ZFPM2: variants seen among roughly 807,000 people sequenced by gnomAD.
The protein encoded by ZFPM2 is zinc finger protein, FOG family member 2.
A neutral mutation model predicts 98.6 loss-of-function variants in ZFPM2; 20 were observed. The observed-to-expected ratio is 0.20, with a 90% CI of 0.14 to 0.29. ZFPM2 has a LOEUF of 0.29. Among genes scored for constraint, ZFPM2 ranks in the 10% least tolerant of loss-of-function variants. The pLI is 1.00. For missense variants in ZFPM2, 1,310 were observed against 1,388.6 expected (o/e 0.94, Z 0.90); for synonymous variants, 518 against 502.7 (o/e 1.03, Z -0.41).
In ZFPM2 at chr8:105,679,818, G is replaced by T. The variant is rs575534989; in HGVS notation, c.532+45461G>T. ...TCTTAAAAAAAAAAAAAAAAAGAAAGCAATATGTATAAAAACATTTTGTAA... is the reference window on the plus strand; with the variant it reads ...TCTTAAAAAAAAAAAAAAAAAGAAATCAATATGTATAAAAACATTTTGTAA... On this transcript the variant is annotated intron_variant, in intron 5 of 7. Transcript: ENST00000407775. Among the ~76,000 whole-genome samples, 5 of 148,534 alleles carry T rather than the reference G, an allele frequency of 3.4e-5. No individual in the cohort carries two copies. The South Asian group carries it at 6.4e-4, about 19-fold the overall frequency.
intron 5 of ZFPM2, among the ~76,000 whole-genome samples, chr8:105,704,267 T>C (rs1280268209): frequency 6.6e-6 from 1 of 152,202 alleles, no homozygotes; most frequent in Non-Finnish European, 1.5e-5. Flanking sequence ...TTTACATATA[T>C]TGGACTACTT....
At chr8:105,710,528 A>C (rs1407429756) in intron 5 of ZFPM2, among the ~76,000 whole-genome samples, 1 of 152,198 alleles carries the variant, frequency 6.6e-6, no homozygotes, top group Non-Finnish European at 1.5e-5. Context: ...CCTATAGTCT[A>C]TCTTCAAATT....
At chr8:105,462,882 C>T (rs746707645) in intron 3 of ZFPM2, among the ~76,000 whole-genome samples, 3 of 151,978 alleles carry the variant, frequency 2.0e-5, no homozygotes, top group African/African-American at 2.4e-5. Flanking sequence ...TTCGATTCAA[C>T]GTCCTTGATG....
At chr8:105,449,931 G>A (rs1214421768) in intron 3 of ZFPM2, among the ~76,000 whole-genome samples, 1 of 151,922 alleles carries the variant, frequency 6.6e-6, no homozygotes, top group Middle Eastern at 3.2e-3. Flanking sequence ...AGTTGCAGTG[G>A]GTTAATTTGG....
chr8:105,495,767 C>T (rs1278963168), intron 3 of ZFPM2, among the ~76,000 whole-genome samples: 1 of 152,134 alleles, frequency 6.6e-6, no homozygotes, highest in African/African-American at 2.4e-5. Flanking sequence ...GTTTGCCATG[C>T]TTGGAGTTTT....
intron 3 of ZFPM2, among the ~76,000 whole-genome samples, chr8:105,542,554 A>C (rs1044757778): frequency 1.3e-5 from 2 of 152,130 alleles, no homozygotes; most frequent in African/African-American, 4.8e-5. Context: ...TGAGTTCCCT[A>C]TCCACAACCA....
At chr8:105,741,461 T>C (rs2131033834) in intron 5 of ZFPM2, among the ~76,000 whole-genome samples, 1 of 152,104 alleles carries the variant, frequency 6.6e-6, no homozygotes, top group East Asian at 1.9e-4. Context: ...GATGACCCAG[T>C]TGAGGCTGAA....
intron 4 of ZFPM2, among the ~76,000 whole-genome samples, chr8:105,562,747 T>C (rs1361760359): frequency 2.6e-5 from 4 of 152,114 alleles, no homozygotes; most frequent in African/African-American, 7.3e-5. Context: ...ATGATTACAC[T>C]GTGTCTGCCT....
At chr8:105,370,516 C>T (rs932476823) in intron 1 of ZFPM2, among the ~76,000 whole-genome samples, 8 of 152,158 alleles carry the variant, frequency 5.3e-5, no homozygotes, top group Admixed American at 3.9e-4. Flanking sequence ...TCCTATGGGG[C>T]AGATGCCCCA....
At chr8:105,571,760 C>A (rs1479281808) in intron 4 of ZFPM2, among the ~76,000 whole-genome samples, 1 of 152,126 alleles carries the variant, frequency 6.6e-6, no homozygotes, top group African/African-American at 2.4e-5. Context: ...TCAGTTTGGT[C>A]TTAAAAATCA....
intron 3 of ZFPM2, among the ~76,000 whole-genome samples, chr8:105,471,942 G>T (rs562390515): frequency 6.6e-6 from 1 of 152,154 alleles, no homozygotes; most frequent in Non-Finnish European, 1.5e-5. Flanking sequence ...TATTACCCAA[G>T]ACCCCAATTT....
chr8:105,727,335 C>T (rs1008183492), intron 5 of ZFPM2, among the ~76,000 whole-genome samples: 10 of 150,914 alleles, frequency 6.6e-5, no homozygotes, highest in Admixed American at 5.3e-4. Flanking sequence ...GTGAGAACCC[C>T]GTCTCTATAC....
intron 3 of ZFPM2, among the ~76,000 whole-genome samples, chr8:105,558,231 T>A (rs2130689783): frequency 6.6e-6 from 1 of 152,332 alleles, no homozygotes; most frequent in South Asian, 2.1e-4. Context: ...TATGTAACCT[T>A]GGTAGAATAT....
intron 1 of ZFPM2, among the ~76,000 whole-genome samples, chr8:105,395,669 T>C (rs1449025317): frequency 1.3e-5 from 2 of 152,194 alleles, no homozygotes; most frequent in Admixed American, 1.3e-4. Context: ...ATTTCAAACA[T>C]AATAAATTGA....
rs187402373 is a variant in ZFPM2, at chr8:105,326,221, T to C, written c.40+7240T>C. 2.1e-3 allele frequency among the ~76,000 whole-genome samples: 318 copies of C among 151,874 alleles called. 2 individuals are homozygous for C. The highest frequency in any genetic ancestry group is 7.4e-3 in the African/African-American group (307 of 41,542). On this transcript the variant is annotated intron_variant, in intron 1 of 7. Transcript: ENST00000407775. ...TTCCTACAAATATAATAAAAGATCG[T>C]AGGTTTCCAAAACCAGGAAACAAAA... is the stretch of plus-strand genomic sequence containing the variant.
chr8:105,751,794 TAA>T (rs78079434), intron 5 of ZFPM2, among the ~76,000 whole-genome samples: 7 of 139,954 alleles, frequency 5.0e-5, no homozygotes, highest in Admixed American at 7.2e-5. Context: ...GGTAGATTGT[TAA>T]AAAAAAAAAA....
intron 5 of ZFPM2, among the ~76,000 whole-genome samples, chr8:105,699,492 G>T (rs1170104024): frequency 6.6e-6 from 1 of 152,020 alleles, no homozygotes; most frequent in African/African-American, 2.4e-5. Context: ...ATATAGTTTG[G>T]AGTATTGTTT....
At chr8:105,454,996 G>A (rs748036243) in intron 3 of ZFPM2, among the ~76,000 whole-genome samples, 2 of 152,042 alleles carry the variant, frequency 1.3e-5, no homozygotes, top group Non-Finnish European at 2.9e-5. Flanking sequence ...AAGGATCGTG[G>A]GTTACTATTC....
At chr8:105,506,684 C>T (rs6982413) in intron 3 of ZFPM2, among the ~76,000 whole-genome samples, 44,126 of 151,796 alleles carry the variant, frequency 0.29, 6,600 homozygotes, top group African/African-American at 0.35. Flanking sequence ...TATCTAAACT[C>T]GAAAAGAAAT....
Sources: allele counts gnomAD v4.1 joint callset (sites outside exome capture counted in the v4.1 genomes callset), GRCh38; gene constraint gnomAD v4.1.1; transcripts MANE v1.5; gene names NCBI Gene and HGNC (gene_info 2026-07-23, HGNC 2026-07-21).